Variants in SH3BGRL observed in about 807,000 individuals in gnomAD.
SH3BGRL encodes the protein SH3 domain binding glutamate rich protein like.
A neutral mutation model predicts 9.8 loss-of-function variants in SH3BGRL; 7 were observed. That is an observed-to-expected ratio of 0.72 (90% CI 0.41 to 1.35). SH3BGRL has a LOEUF of 1.35. SH3BGRL is among the 40% of genes most tolerant of loss of function. The pLI is 0.01. For missense variants in SH3BGRL, 73 were observed against 84.4 expected (o/e 0.86, Z 0.53); for synonymous variants, 36 against 29.1 (o/e 1.24, Z -0.76).
intron 1 of SH3BGRL, among the ~76,000 whole-genome samples, chrX:81,265,743 C>T (rs2075755029): frequency 8.9e-6 from 1 of 111,877 alleles, no homozygotes; most frequent in South Asian, 3.7e-4. Context: ...ATGGCTGGGT[C>T]AAATGGTATT....
chrX:81,225,666 C>T (rs908581008), intron 1 of SH3BGRL, among the ~76,000 whole-genome samples: 2 of 111,160 alleles, frequency 1.8e-5, no homozygotes, highest in Non-Finnish European at 3.8e-5. Flanking sequence ...CACTGATGGA[C>T]ACGGGTTGAT....
At chrX:81,233,841 A>G (rs1171751657) in intron 1 of SH3BGRL, among the ~76,000 whole-genome samples, 1 of 112,050 alleles carries the variant, frequency 8.9e-6, no homozygotes, top group Non-Finnish European at 1.9e-5. Flanking sequence ...CGACTAAGAC[A>G]GGAAGAAGTC....
At chrX:81,218,400 G>T (rs1163313670) in intron 1 of SH3BGRL, among the ~76,000 whole-genome samples, 2 of 110,184 alleles carry the variant, frequency 1.8e-5, no homozygotes, top group Non-Finnish European at 3.8e-5. Flanking sequence ...TTAAGATTTA[G>T]AACTCCTTTT....
chrX:81,228,279 A>G (rs2075623044), intron 1 of SH3BGRL, among the ~76,000 whole-genome samples: 1 of 111,764 alleles, frequency 8.9e-6, no homozygotes. Context: ...TACATGTAAG[A>G]TGTACATTGG....
intron 1 of SH3BGRL, among the ~76,000 whole-genome samples, chrX:81,264,516 G>A (rs946433106): frequency 9.0e-6 from 1 of 111,534 alleles, no homozygotes; most frequent in Non-Finnish European, 1.9e-5. Flanking sequence ...TGCATATCTC[G>A]CTGCTAACAT....
intron 1 of SH3BGRL, among the ~76,000 whole-genome samples, chrX:81,211,045 G>A (rs1308580182): frequency 8.9e-6 from 1 of 112,323 alleles, no homozygotes; most frequent in East Asian, 2.8e-4. Flanking sequence ...GGATTTTAAA[G>A]CTTTTTTAGC....
chrX:81,241,430 G>A (rs1473185838), intron 1 of SH3BGRL, among the ~76,000 whole-genome samples: 2 of 111,815 alleles, frequency 1.8e-5, no homozygotes, highest in African/African-American at 6.5e-5. Flanking sequence ...GGAGTCCATG[G>A]CCCAGAGTGA....
At chrX:81,245,797 A>T (rs965707765) in intron 1 of SH3BGRL, among the ~76,000 whole-genome samples, 7 of 111,862 alleles carry the variant, frequency 6.3e-5, no homozygotes, top group African/African-American at 2.3e-4. Flanking sequence ...CTATGCAAGT[A>T]AGTGTGTCTT....
At chrX:81,203,815 G>T (rs2075537186) in intron 1 of SH3BGRL, among the ~76,000 whole-genome samples, 1 of 111,305 alleles carries the variant, frequency 9.0e-6, no homozygotes, top group Admixed American at 9.5e-5. Context: ...TCTTTGTTAA[G>T]TCTTAAGTTT....
At chrX:81,208,575 G>T (rs1290277674) in intron 1 of SH3BGRL, among the ~76,000 whole-genome samples, 1 of 112,366 alleles carries the variant, frequency 8.9e-6, no homozygotes, top group African/African-American at 3.2e-5. Flanking sequence ...CAGATTAAGA[G>T]AGAAGCTGCT....
chrX:81,229,919 C>A (rs749227579), intron 1 of SH3BGRL, among the ~76,000 whole-genome samples: 8 of 111,845 alleles, frequency 7.2e-5, no homozygotes, highest in African/African-American at 2.3e-4. Flanking sequence ...AGCCAGGGAC[C>A]ACAACCTTTC....
intron 1 of SH3BGRL, among the ~76,000 whole-genome samples, chrX:81,274,556 C>G (rs2075791898): frequency 9.1e-6 from 1 of 109,410 alleles, no homozygotes; most frequent in South Asian, 4.1e-4. Context: ...CACGCCACTG[C>G]ACTCTAGCCT....
intron 3 of SH3BGRL, among the ~76,000 whole-genome samples, chrX:81,281,828 C>T (rs2075818098): frequency 8.9e-6 from 1 of 112,084 alleles, no homozygotes; most frequent in African/African-American, 3.2e-5. Context: ...GCAATGGTAC[C>T]TCACATTTCC....
chrX:81,285,104 C>T (rs1244166436), intron 3 of SH3BGRL, among the ~76,000 whole-genome samples: 1 of 110,998 alleles, frequency 9.0e-6, no homozygotes, highest in African/African-American at 3.3e-5. Flanking sequence ...TAGAAGTGAT[C>T]CATTTCATGT....
chrX:81,255,919 AAAGGG>A (rs1488340850), intron 1 of SH3BGRL, among the ~76,000 whole-genome samples: 3 of 112,526 alleles, frequency 2.7e-5, no homozygotes, highest in African/African-American at 9.7e-5. Flanking sequence ...TTGGAAAAAT[AAAGGG>A]AAGTGGAGAA....
At chrX:81,236,338 C>T (rs2075647760) in intron 1 of SH3BGRL, among the ~76,000 whole-genome samples, 1 of 111,539 alleles carries the variant, frequency 9.0e-6, no homozygotes, top group Non-Finnish European at 1.9e-5. Context: ...TAGTAAACTT[C>T]TATTAACGGG....
At chrX:81,287,747 C>A (rs771668063) in intron 3 of SH3BGRL, among the ~76,000 whole-genome samples, 2 of 110,139 alleles carry the variant, frequency 1.8e-5, no homozygotes, top group South Asian at 7.9e-4. Flanking sequence ...CATGTGTATA[C>A]CTATGTAACA....
Position 81,295,899 on chromosome X carries a change from A to G in SH3BGRL, c.313-1296A>G, listed in dbSNP as rs751780359. On this transcript the variant is annotated intron_variant, in intron 3 of 3. Coordinates refer to ENST00000373212, the MANE Select transcript of SH3BGRL (RefSeq NM_003022.3). ...CCTTCTTCTGAGCCCTCCAAATTGTACCAACCTTTCCTCCAAAGTTGGTTC... is the reference window on the plus strand; with the variant it reads ...CCTTCTTCTGAGCCCTCCAAATTGTGCCAACCTTTCCTCCAAAGTTGGTTC... Among the ~76,000 whole-genome samples, 106 of 111,580 alleles carry G rather than the reference A, an allele frequency of 9.5e-4. 1 individual carries two copies. Among genetic ancestry groups the G allele is most frequent in the African/African-American group, 3.3e-3 (102 of 30,710 alleles).
intron 1 of SH3BGRL, among the ~76,000 whole-genome samples, chrX:81,216,520 A>C (rs2075581837): frequency 9.0e-6 from 1 of 111,115 alleles, no homozygotes; most frequent in Non-Finnish European, 1.9e-5. Context: ...TGCACTGTCA[A>C]ATAGTAGACC....
Sources: gnomAD v4.1 joint callset for allele counts (sites outside exome capture counted in the v4.1 genomes callset) on GRCh38, gnomAD v4.1.1 for gene constraint, MANE v1.5 for transcripts, NCBI Gene and HGNC (gene_info 2026-07-23, HGNC 2026-07-21) for gene names.